The following MIPOL1 variants were observed in gnomAD, a reference collection of about 807,000 sequenced individuals.
The protein encoded by MIPOL1 is mirror-image polydactyly gene 1 protein.
Under a neutral mutation model 60.9 loss-of-function variants are expected in MIPOL1, and 57 were observed. The ratio of observed to expected loss-of-function variants is 0.94; its 90% CI spans 0.76 to 1.17. MIPOL1 has a LOEUF of 1.17. Ranked by LOEUF, MIPOL1 falls within the 50% of genes most tolerant of loss-of-function variation. The pLI is 0.00. For missense variants in MIPOL1, 551 were observed against 511.6 expected, an observed-to-expected ratio of 1.08 and a Z score of -0.74; for synonymous variants, 179 against 168.8, an observed-to-expected ratio of 1.06 and a Z score of -0.47.
intron 11 of MIPOL1, among the ~76,000 whole-genome samples, chr14:37,494,045 G>A (rs2095082851): frequency 6.6e-6 from 1 of 152,170 alleles, no homozygotes; most frequent in African/African-American, 2.4e-5. Context: ...GTTAAGGAAA[G>A]ACCATTCTGA....
intron 1 of MIPOL1, among the ~76,000 whole-genome samples, chr14:37,227,129 T>C (rs867216656): frequency 2.0e-5 from 3 of 152,196 alleles, no homozygotes; most frequent in African/African-American, 7.2e-5. Context: ...AAATTTATTA[T>C]CTTACGGTTC....
intron 10 of MIPOL1, among the ~76,000 whole-genome samples, chr14:37,408,646 G>T: frequency 6.6e-6 from 1 of 152,088 alleles, no homozygotes; most frequent in East Asian, 1.9e-4. Context: ...AACAAAAAAA[G>T]TCAGGAAAAT....
intron 12 of MIPOL1, among the ~76,000 whole-genome samples, chr14:37,500,688 TAATCTGTCAGTCCTTTTGACAGCTAGC>T (rs1239769477): frequency 6.6e-6 from 1 of 152,230 alleles, no homozygotes; most frequent in Non-Finnish European, 1.5e-5. Context: ...TAAAGCTGCA[TAATCTGTCAGTCCTTTTGACAGCTAGC>T]AAAATGTTAA....
intron 1 of MIPOL1, among the ~76,000 whole-genome samples, chr14:37,202,140 T>C (rs1015082496): frequency 6.6e-6 from 1 of 152,186 alleles, no homozygotes; most frequent in Non-Finnish European, 1.5e-5. Context: ...CCATTTCTTG[T>C]TTTTAAGTAA....
intron 9 of MIPOL1, among the ~76,000 whole-genome samples, chr14:37,313,100 G>C (rs1476237100): frequency 6.6e-6 from 1 of 151,744 alleles, no homozygotes; most frequent in Non-Finnish European, 1.5e-5. Context: ...TTAATATCTA[G>C]CCATTGGTGT....
intron 7 of MIPOL1, among the ~76,000 whole-genome samples, chr14:37,293,314 A>G (rs75396196): frequency 6.6e-6 from 1 of 152,104 alleles, no homozygotes; most frequent in African/African-American, 2.4e-5. Flanking sequence ...TCCCTATTTT[A>G]AAAAATTACT....
At chr14:37,412,491 T>C (rs2093695568) in intron 10 of MIPOL1, among the ~76,000 whole-genome samples, 1 of 152,104 alleles carries the variant, frequency 6.6e-6, no homozygotes. Context: ...ATTATAATTG[T>C]ATACAATAAG....
In MIPOL1 at chr14:37,481,611, A is replaced by ACCCC. The variant is rs1555356224; in HGVS notation, c.1032-18295_1032-18294insCCCC. ...CACACACACACACACACACACACAC[A>ACCCC]CCGAAACCACATAGCCAAGGGAATC... is the stretch of plus-strand genomic sequence containing the variant. On this transcript the variant is annotated intron_variant, in intron 11 of 12. Transcript: ENST00000684589. 2.1e-5 allele frequency among the ~76,000 whole-genome samples: 3 copies of ACCCC among 142,410 alleles called. No individual in the cohort carries two copies. The East Asian group carries it at 6.1e-4, about 29-fold the overall frequency. The allele number at this position is 142,410 out of a possible 152,430, so 93.4% of individuals were successfully genotyped here.
intron 3 of MIPOL1, among the ~76,000 whole-genome samples, chr14:37,261,593 T>C (rs994217930): frequency 5.9e-5 from 9 of 152,108 alleles, no homozygotes; most frequent in Admixed American, 4.6e-4. Flanking sequence ...AGTTTGAATA[T>C]GGTCCCAAGA....
intron 1 of MIPOL1, among the ~76,000 whole-genome samples, chr14:37,228,320 C>CTTTTCT (rs1170261976): frequency 1.5e-5 from 2 of 129,540 alleles, no homozygotes; most frequent in Admixed American, 1.5e-4. Flanking sequence ...TGATTTCTTT[C>CTTTTCT]TTTTCTTTTT....
At chr14:37,504,893 A>G (rs1231598679) in intron 12 of MIPOL1, 3 of 152,202 alleles carry the variant, frequency 2.0e-5, no homozygotes, top group African/African-American at 7.2e-5. Flanking sequence ...AGAATCAAAT[A>G]GACACAATAA....
At chr14:37,204,242 T>C (rs1194464411) in intron 1 of MIPOL1, among the ~76,000 whole-genome samples, 2 of 152,376 alleles carry the variant, frequency 1.3e-5, no homozygotes, top group East Asian at 1.9e-4. Context: ...ACTCAATTTC[T>C]GATTTTTAGC....
chr14:37,264,043 A>G (rs2082693113), intron 3 of MIPOL1, among the ~76,000 whole-genome samples: 1 of 152,180 alleles, frequency 6.6e-6, no homozygotes, highest in African/African-American at 2.4e-5. Context: ...GGGCAATACA[A>G]ATAAGCTCAG....
intron 11 of MIPOL1, among the ~76,000 whole-genome samples, chr14:37,484,549 G>C (rs2094919147): frequency 1.3e-5 from 2 of 151,908 alleles, no homozygotes; most frequent in South Asian, 4.2e-4. Context: ...TGTTGTCCAG[G>C]ATGGTCTCAA....
At chr14:37,283,387 G>A (rs2084288623) in intron 6 of MIPOL1, among the ~76,000 whole-genome samples, 1 of 151,978 alleles carries the variant, frequency 6.6e-6, no homozygotes, top group South Asian at 2.1e-4. Flanking sequence ...TTTTGAAAGA[G>A]CCACTGCACC....
intron 7 of MIPOL1, among the ~76,000 whole-genome samples, chr14:37,291,062 C>T (rs1449497641): frequency 1.3e-5 from 2 of 152,078 alleles, no homozygotes; most frequent in Admixed American, 6.6e-5. Context: ...TTTATGGTTC[C>T]ATACTATTAT....
At chr14:37,404,741 C>T (rs554256273) in intron 10 of MIPOL1, among the ~76,000 whole-genome samples, 5 of 152,240 alleles carry the variant, frequency 3.3e-5, no homozygotes, top group South Asian at 2.1e-4. Flanking sequence ...GTCTTTATCA[C>T]CTGTATTAAT....
chr14:37,443,751 AAAAAAAAAAAAAAAACCT>A (rs201610451), intron 11 of MIPOL1, among the ~76,000 whole-genome samples: 3,956 of 144,942 alleles, frequency 0.027, 70 homozygotes, highest in South Asian at 0.065. Flanking sequence ...GATAGGCTCA[AAAAAAAAAAAAAAAACCT>A]CTACAAAAAC....
At chr14:37,426,755 G>A (rs937371266) in intron 11 of MIPOL1, among the ~76,000 whole-genome samples, 4 of 151,334 alleles carry the variant, frequency 2.6e-5, no homozygotes, top group African/African-American at 7.3e-5. Context: ...CTTAAATGAA[G>A]TGAAGCACTC....
Sources: allele counts gnomAD v4.1 joint callset (sites outside exome capture counted in the v4.1 genomes callset), GRCh38; gene constraint gnomAD v4.1.1; transcripts MANE v1.5; gene names NCBI Gene and HGNC (gene_info 2026-07-23, HGNC 2026-07-21).